OR6A2: variants seen among roughly 807,000 people sequenced by gnomAD.
OR6A2 encodes the protein olfactory receptor family 6 subfamily A member 2, also known as olfactory receptor 6A2.
Under a neutral mutation model 7.1 loss-of-function variants are expected in OR6A2, and 6 were observed. The ratio of observed to expected loss-of-function variants is 0.85; its 90% confidence interval spans 0.46 to 1.68. OR6A2 has a LOEUF of 1.68. Ranked by LOEUF, OR6A2 falls within the 40% of genes most tolerant of loss-of-function variation. The pLI, the probability that OR6A2 is intolerant of heterozygous loss-of-function variation, is 0.01. For synonymous variants in OR6A2, 162 were observed against 152.1 expected (o/e 1.06, Z -0.48); for missense variants, 431 against 398.0 (o/e 1.08, Z -0.71).
At chr11:6,797,645 T>A (rs1589999341) in intron 1 of OR6A2, among the ~76,000 whole-genome samples, 1 of 152,180 alleles carries the variant, frequency 6.6e-6, no homozygotes, top group African/African-American at 2.4e-5. Context: ...AAAGGTGAGA[T>A]CTTAGCTCAA....
rs368244412 is a variant in OR6A2, at chr11:6,794,786, C to T, written c.923G>A (p.Cys308Tyr). The change falls in exon 2 of 2, where the codon TGT (cysteine) becomes TAT (tyrosine). Residue 308 changes from cysteine to tyrosine, a missense_variant. Coordinates refer to ENST00000641196, the MANE Select transcript of OR6A2 (RefSeq NM_003696.3). ...CTGGTGCTGGTACAGGTGCAGAGTA[C>T]AGCATAGGGCTCTCTTGACCTCTTG... Reference protein sequence around the residue: ...RNQEVKRALCCTLHLYQHQDP... With the variant: ...RNQEVKRALCYTLHLYQHQDP... 145 of 1,613,994 alleles carry T rather than the reference C, an allele frequency of 9.0e-5. No homozygotes were observed. Among genetic ancestry groups the T allele is most frequent in the Non-Finnish European group, 1.2e-4 (138 of 1,179,994 alleles).
In OR6A2 at chr11:6,795,398, G is replaced by A. The variant is rs146924582; in HGVS notation, c.311C>T (p.Thr104Ile). Residue 104 changes from threonine to isoleucine, a missense_variant, in exon 2 of 2, where the codon ACA becomes ATA. Transcript: ENST00000641196. ...GQLISFEGCM[T>I]QLYFFLGLGC... is the part of the protein sequence containing the mutation. ...CAAGCCAAGGAAAAAGTAGAGCTGT[G>A]TCATGCATCCCTCAAAGGAGATTAG... 1.3e-4 allele frequency: 215 copies of A among 1,614,078 alleles called. No homozygotes were observed. In the African/African-American group the frequency reaches 2.6e-3, roughly 19 times the overall value.
chr11:6,795,742 G>T lies in OR6A2; in HGVS notation c.-34C>A. ...TCTCTCTTACTGCTCTTCAGGAGAT[G>T]AGAGTAGAGAGTCTTCAGTAGGCCA... is the stretch of plus-strand genomic sequence containing the variant. On this transcript the variant is annotated 5_prime_UTR_variant, in exon 2 of 2. Coordinates refer to ENST00000641196, the MANE Select transcript of OR6A2 (RefSeq NM_003696.3). The T allele has an allele frequency of 6.3e-7, 1 of 1,599,394 alleles. No individual in the cohort carries two copies. The highest frequency in any genetic ancestry group is 1.1e-5 in the South Asian group (1 of 89,996).
At chr11:6,796,941 C>G (rs142142343) in intron 1 of OR6A2, among the ~76,000 whole-genome samples, 1 of 152,022 alleles carries the variant, frequency 6.6e-6, no homozygotes, top group East Asian at 1.9e-4. Flanking sequence ...CATCTGGGTG[C>G]GATTTCTTCT....
Position 6,797,824 on chromosome 11 carries a change from T to C in OR6A2, c.-177+1720A>G, listed in dbSNP as rs557844489. Reference sequence around the variant, plus strand: ...CACAGTCTACACTGTATTTTATACCTTGCAGCTCTCAGCGCACACCATGTG... The same window carrying C: ...CACAGTCTACACTGTATTTTATACCCTGCAGCTCTCAGCGCACACCATGTG... On this transcript the variant is annotated intron_variant, in intron 1 of 1. Coordinates refer to ENST00000641196, the MANE Select transcript of OR6A2 (RefSeq NM_003696.3). Among the ~76,000 whole-genome samples the C allele has an allele frequency of 2.6e-5, 4 of 152,334 alleles. No homozygotes were observed. The East Asian group carries it at 7.7e-4, about 29-fold the overall frequency.
Position 6,794,594 on chromosome 11 carries a change from A to G in OR6A2, c.*131T>C, listed in dbSNP as rs1847723282. On this transcript the variant is annotated 3_prime_UTR_variant, in exon 2 of 2. Transcript: ENST00000641196. ...CTCTCCTCTTGGACTAGTTAAAGAA[A>G]GTATTCCTAGTTCCATAGTGATGCC... 1 of 1,201,236 alleles carries G rather than the reference A, an allele frequency of 8.3e-7. No homozygotes were observed. Among genetic ancestry groups the G allele is most frequent in the Admixed American group, 2.4e-5 (1 of 41,442 alleles). The allele number at this position is 1,201,236 out of a possible 1,614,324, so 74.4% of individuals were successfully genotyped here.
chr11:6,796,677 TTTAACA>T (rs1252720503), intron 1 of OR6A2, among the ~76,000 whole-genome samples: 1 of 152,234 alleles, frequency 6.6e-6, no homozygotes, highest in African/African-American at 2.4e-5. Context: ...AGTATCTTCC[TTTAACA>T]TTAAGGCCCA....
rs774070349 is a variant in OR6A2, at chr11:6,795,680, A to C, written c.29T>G (p.Val10Gly). Residue 10 changes from valine to glycine, a missense_variant, in exon 2 of 2, where the codon GTG (valine) becomes GGG (glycine). Physicochemically the swap from Val to Gly is moderately radical, Grantham distance 109. Coordinates refer to ENST00000641196, the MANE Select transcript of OR6A2 (RefSeq NM_003696.3). MEWRNHSGRVSEFVLLGFPA... is the reference protein window; with the variant it reads MEWRNHSGRGSEFVLLGFPA... ...GAAGCCCAGCAACACAAACTCACTC[A>C]CTCTCCCACTATGGTTCCGCCACTC... 1 of 1,613,492 alleles carries C rather than the reference A, an allele frequency of 6.2e-7. No homozygotes were observed. Among genetic ancestry groups the C allele is most frequent in the Non-Finnish European group, 8.5e-7 (1 of 1,179,844 alleles).
chr11:6,795,777 C>T lies in OR6A2; in HGVS notation c.-69G>A. The T allele has an allele frequency of 6.8e-7, 1 of 1,460,874 alleles. No homozygotes were observed. Among genetic ancestry groups the T allele is most frequent in the Non-Finnish European group, 9.5e-7 (1 of 1,057,846 alleles). The allele number at this position is 1,460,874 out of a possible 1,614,324, so 90.5% of individuals were successfully genotyped here. ...AGTCTTCAGTAGGCCACAACAAGAA[C>T]CCAGCCTTTCTCTTAATGGGCTTAT... On this transcript the variant is annotated 5_prime_UTR_variant, in exon 2 of 2. Transcript: ENST00000641196.
Position 6,794,856 on chromosome 11 carries a change from C to T in OR6A2, c.853G>A (p.Val285Ile). The T allele has an allele frequency of 6.2e-7, 1 of 1,614,104 alleles. No homozygotes were observed. Among genetic ancestry groups the T allele is most frequent in the Non-Finnish European group, 8.5e-7 (1 of 1,180,000 alleles). The change falls in exon 2 of 2, where the codon GTC (valine) becomes ATC (isoleucine). Residue 285 changes from valine (V) to isoleucine (I), a missense_variant. Val to Ile is a conservative substitution (Grantham distance 29). Coordinates refer to ENST00000641196, the MANE Select transcript of OR6A2 (RefSeq NM_003696.3). ...TNKLVSVLYA[V>I]IVPLLNPIIY... ...ATGGGATTGAGCAATGGTACAATGA[C>T]AGCATACAGTACAGAGACCAACTTG...
chr11:6,795,904 A>C lies in OR6A2; in HGVS notation c.-176-20T>G. On this transcript the variant is annotated intron_variant, in intron 1 of 1. Coordinates refer to ENST00000641196, the MANE Select transcript of OR6A2 (RefSeq NM_003696.3). The stretch of plus-strand genomic sequence containing the variant: ...AATGAGCTAAGGCAAACATACAAAA[A>C]TAAATGTTTTTTTTTTTTTGGAAAC... 1 of 557,634 alleles carries C rather than the reference A, an allele frequency of 1.8e-6. No homozygotes were observed. The highest frequency in any genetic ancestry group is 3.2e-6 in the Non-Finnish European group (1 of 315,144). 34.5% of individuals were successfully genotyped at this position (557,634 alleles called of 1,614,324 possible). A position where few individuals can be genotyped will look rare whatever the true frequency, so the allele number is the denominator to read the frequency against.
chr11:6,792,918 G>A lies in OR6A2; in HGVS notation c.*1807C>T, dbSNP rs979807703. The A allele has an allele frequency of 1.3e-5, 2 of 152,202 alleles. No individual in the cohort carries two copies. Among genetic ancestry groups the A allele is most frequent in the Non-Finnish European group, 2.9e-5 (2 of 68,032 alleles). The allele number at this position is 152,202 out of a possible 1,614,324, so 9.4% of individuals were successfully genotyped here. A position where few individuals can be genotyped will look rare whatever the true frequency, so the allele number is the denominator to read the frequency against. ...GAAAGGTGAGTATGTGAGGAATACTGTGCTAAACCCTATTCCAATACTTGA... is the reference window on the plus strand; with the variant it reads ...GAAAGGTGAGTATGTGAGGAATACTATGCTAAACCCTATTCCAATACTTGA... On this transcript the variant is annotated 3_prime_UTR_variant, in exon 2 of 2. Coordinates refer to ENST00000641196, the MANE Select transcript of OR6A2 (RefSeq NM_003696.3).
Position 6,794,704 on chromosome 11 carries a change from A to G in OR6A2, c.*21T>C. The G allele has an allele frequency of 1.2e-5, 19 of 1,604,318 alleles. No individual in the cohort carries two copies. The highest frequency in any genetic ancestry group is 1.6e-5 in the Non-Finnish European group (19 of 1,174,108). ...TTGATCCCAAGTTTAATAGCATTTT[A>G]TCAGATTTCACACATCCCTTCTATA... On this transcript the variant is annotated 3_prime_UTR_variant, in exon 2 of 2. Coordinates refer to ENST00000641196, the MANE Select transcript of OR6A2 (RefSeq NM_003696.3).
rs369095527 is a variant in OR6A2, at chr11:6,794,874, C to A, written c.835G>T (p.Val279Phe). The A allele has an allele frequency of 1.2e-4, 195 of 1,613,990 alleles. No individual in the cohort carries two copies. Among genetic ancestry groups the A allele is most frequent in the Non-Finnish European group, 1.6e-4 (186 of 1,179,998 alleles). The change falls in exon 2 of 2, where the codon GTC (valine) becomes TTC (phenylalanine). Residue 279 changes from valine to phenylalanine, a missense_variant. Val to Phe is a conservative substitution (Grantham distance 50). Transcript: ENST00000641196. The part of the protein sequence containing the change: ...ALSAFDTNKL[V>F]SVLYAVIVPL... ...ACAATGACAGCATACAGTACAGAGA[C>A]CAACTTGTTGGTGTCAAAAGCTGAG...
chr11:6,796,856 C>G (rs920345571), intron 1 of OR6A2, among the ~76,000 whole-genome samples: 13 of 152,082 alleles, frequency 8.5e-5, no homozygotes, highest in African/African-American at 3.1e-4. Flanking sequence ...TATTTTTACC[C>G]TGTTCCCCTG....
Position 6,795,408 on chromosome 11 carries a change from C to A in OR6A2, c.301G>T (p.Gly101Ter). 1 of 1,614,060 alleles carries A rather than the reference C, an allele frequency of 6.2e-7. No homozygotes were observed. Among genetic ancestry groups the A allele is most frequent in the African/African-American group, 1.3e-5 (1 of 75,014 alleles). The part of the protein sequence containing the change: ...QDHGQLISFE[G>*]CMTQLYFFLG... Reference sequence around the variant, plus strand: ...AAAAAGTAGAGCTGTGTCATGCATCCCTCAAAGGAGATTAGCTGTCCATGA... The same window carrying A: ...AAAAAGTAGAGCTGTGTCATGCATCACTCAAAGGAGATTAGCTGTCCATGA... The change falls in exon 2 of 2, where the codon GGA (glycine) becomes TGA (stop). Residue 101 changes from glycine to a stop codon, truncating the protein, a stop_gained. Coordinates refer to ENST00000641196, the MANE Select transcript of OR6A2 (RefSeq NM_003696.3). LOFTEE classifies it high-confidence loss of function.
chr11:6,797,329 G>A (rs946403080), intron 1 of OR6A2, among the ~76,000 whole-genome samples: 4 of 152,122 alleles, frequency 2.6e-5, no homozygotes, highest in African/African-American at 4.8e-5. Flanking sequence ...AGTTATAGGG[G>A]CATATCTTCA....
chr11:6,793,138 G>C lies in OR6A2; in HGVS notation c.*1587C>G, dbSNP rs1413895165. On this transcript the variant is annotated 3_prime_UTR_variant, in exon 2 of 2. Transcript: ENST00000641196. ...CCCCATTTCAGAAACTTCTTCTACG[G>C]GGACACTTCGACAGTAGATTTTTGA... The C allele has an allele frequency of 6.6e-6, 1 of 152,020 alleles. No individual in the cohort carries two copies. The highest frequency in any genetic ancestry group is 1.5e-5 in the Non-Finnish European group (1 of 67,994). 9.4% of individuals were successfully genotyped at this position (152,020 alleles called of 1,614,324 possible).
intron 1 of OR6A2, among the ~76,000 whole-genome samples, chr11:6,797,887 G>A (rs1847762991): frequency 6.6e-6 from 1 of 152,014 alleles, no homozygotes; most frequent in Non-Finnish European, 1.5e-5. Context: ...CAATCTCCAT[G>A]AGCATGGCTA....
Sources: allele counts gnomAD v4.1 joint callset (sites outside exome capture counted in the v4.1 genomes callset), GRCh38; gene constraint gnomAD v4.1.1; transcripts MANE v1.5; gene names NCBI Gene and HGNC (gene_info 2026-07-23, HGNC 2026-07-21).